Variants in ACSF3 observed in about 807,000 individuals in gnomAD.
ACSF3 encodes acyl-CoA synthetase family member 3.
ACSF3 carries 78 observed loss-of-function variants against 53.2 expected under a neutral mutation model. That is an observed-to-expected ratio of 1.47 (90% confidence interval 1.22 to 1.77). The LOEUF is 1.77. Ranked by LOEUF, ACSF3 falls within the 40% of genes most tolerant of loss-of-function variation. The pLI is 0.00. For synonymous variants in ACSF3, 414 were observed against 333.1 expected, an observed-to-expected ratio of 1.24 and a Z score of -2.65; for missense variants, 937 against 771.1, an observed-to-expected ratio of 1.22 and a Z score of -2.55.
intron 9 of ACSF3, among the ~76,000 whole-genome samples, chr16:89,145,615 G>GAGCTCCCAGGCCTGGCCGGGCGC (rs1331285687): frequency 3.3e-5 from 5 of 152,220 alleles, no homozygotes; most frequent in African/African-American, 9.6e-5. Context: ...GTGCCCACCA[G>GAGCTCCCAGGCCTGGCCGGGCGC]AGCTCCCAGG....
At chr16:89,140,786 G>T (rs1317272200) in intron 8 of ACSF3, among the ~76,000 whole-genome samples, 2 of 152,176 alleles carry the variant, frequency 1.3e-5, no homozygotes, top group African/African-American at 4.8e-5. Context: ...ACACTCTAGA[G>T]AATTCAAATC....
chr16:89,109,258 A>AAAG (rs1330203394), intron 4 of ACSF3, among the ~76,000 whole-genome samples: 1 of 151,160 alleles, frequency 6.6e-6, no homozygotes, highest in Admixed American at 6.6e-5. Context: ...AAAGAAAAGA[A>AAAG]AAGAAACTGG....
chr16:89,141,080 C>T, intron 8 of ACSF3: 3 of 1,280,134 alleles, frequency 2.3e-6, no homozygotes, highest in Non-Finnish European at 3.1e-6. Flanking sequence ...TCGCAAGTTG[C>T]CCTGGAGCCC....
intron 9 of ACSF3, 28 bp from the exon 10 acceptor site, chr16:89,145,910 T>C (rs1329530904): frequency 3.8e-6 from 6 of 1,591,810 alleles, no homozygotes; most frequent in African/African-American, 1.3e-5. Context: ...GGCATCCCCA[T>C]GTTCTCAAAC....
At position 89,143,208 on chromosome 16, in the gene ACSF3, T is replaced by G. The variant is rs532003465; in HGVS notation, c.1367-2059T>G. 2.0e-5 allele frequency among the ~76,000 whole-genome samples: 3 copies of G among 152,012 alleles called. No individual in the cohort carries two copies. In the East Asian group the frequency reaches 5.8e-4, roughly 29 times the overall value. ...TACATCCTCAGTGCCGTGCGTAGCT[T>G]TGGTGCAGTCTCAGCCCCGTGCGTA... On this transcript the variant is annotated intron_variant, in intron 8 of 10. Coordinates refer to ENST00000614302, the MANE Select transcript of ACSF3 (RefSeq NM_001243279.3).
At chr16:89,146,106 G>A in intron 10 of ACSF3, 57 bp downstream of exon 10, 2 of 1,280,184 alleles carry the variant, frequency 1.6e-6, no homozygotes, top group Non-Finnish European at 2.3e-6. Flanking sequence ...GTCCAGTCTT[G>A]AGGGCCACCC....
intron 7 of ACSF3, among the ~76,000 whole-genome samples, chr16:89,124,611 G>C (rs968807747): frequency 6.6e-6 from 1 of 151,500 alleles, no homozygotes. Context: ...CATGCACTGC[G>C]TGTATGTGTG....
intron 4 of ACSF3, among the ~76,000 whole-genome samples, chr16:89,110,139 A>T (rs974828495): frequency 2.0e-5 from 3 of 152,206 alleles, no homozygotes; most frequent in Admixed American, 6.5e-5. Flanking sequence ...TATAAAAAAA[A>T]TTTTAAAAAT....
chr16:89,105,685 C>T (rs962456404), intron 4 of ACSF3, among the ~76,000 whole-genome samples: 5 of 152,218 alleles, frequency 3.3e-5, no homozygotes, highest in East Asian at 1.9e-4. Context: ...GCTGCCCGGG[C>T]GCTGACGGTG....
rs1016924333 is a variant in ACSF3 at position 89,095,575 on chromosome 16, G to A, written c.-194+1579G>A. ...GGGGCAGCCGACAGGAGGAAGTGCC[G>A]GCATCCACTTCAAACACAAGGTCTG... is the stretch of plus-strand genomic sequence containing the variant. On this transcript the variant is annotated intron_variant, in intron 1 of 10. Transcript: ENST00000614302. Among the ~76,000 whole-genome samples the A allele has an allele frequency of 1.2e-4, 17 of 136,194 alleles. 1 individual carries two copies. Among genetic ancestry groups the A allele is most frequent in the South Asian group, 5.3e-4 (2 of 3,764 alleles). 89.3% of individuals were successfully genotyped at this position (136,194 alleles called of 152,430 possible).
chr16:89,121,430 T>G (rs1906626382), intron 7 of ACSF3, among the ~76,000 whole-genome samples: 1 of 152,228 alleles, frequency 6.6e-6, no homozygotes. Context: ...GGCTGCCTCC[T>G]TGTCTTGTGC....
intron 8 of ACSF3, chr16:89,136,669 T>C (rs998044982): frequency 2.3e-6 from 3 of 1,287,186 alleles, no homozygotes; most frequent in Non-Finnish European, 3.0e-6. Flanking sequence ...CTCCTCCGGG[T>C]CAGGATGAGA....
In ACSF3 at chr16:89,138,561, C is replaced by T. The variant is rs926083113; in HGVS notation, c.1366+5299C>T. ...GCTTGCCCCAGCCCCTTTCATCCGG[C>T]AGAGGGACCTCGCTGGGCCTGCCAC... On this transcript the variant is annotated intron_variant, in intron 8 of 10. Coordinates refer to ENST00000614302, the MANE Select transcript of ACSF3 (RefSeq NM_001243279.3). Among the ~76,000 whole-genome samples the T allele has an allele frequency of 1.3e-4, 20 of 152,232 alleles. 1 individual carries two copies. The highest frequency in any genetic ancestry group is 1.3e-3 in the Admixed American group (20 of 15,292).
At chr16:89,118,709 T>C (rs36075163) in intron 6 of ACSF3, among the ~76,000 whole-genome samples, 73,675 of 152,014 alleles carry the variant, frequency 0.48, 18,478 homozygotes, top group East Asian at 0.59. Flanking sequence ...AGCTCAGAGG[T>C]GCTCACGGCT....
intron 10 of ACSF3, chr16:89,148,355 T>C (rs1036286978): frequency 4.6e-5 from 7 of 152,048 alleles, no homozygotes; most frequent in Non-Finnish European, 8.8e-5. Flanking sequence ...CTGCCTCAGA[T>C]TCCCAAAATG....
At chr16:89,139,915 C>G (rs1020772915) in intron 8 of ACSF3, among the ~76,000 whole-genome samples, 3 of 152,152 alleles carry the variant, frequency 2.0e-5, no homozygotes, top group Non-Finnish European at 4.4e-5. Context: ...TTTTAACGTA[C>G]AGGGTGTCCT....
chr16:89,116,639 A>C (rs1174100380), intron 6 of ACSF3, among the ~76,000 whole-genome samples: 2 of 152,222 alleles, frequency 1.3e-5, no homozygotes, highest in African/African-American at 4.8e-5. Context: ...CACAGAGTGC[A>C]GTGCCTGCTG....
At chr16:89,124,151 A>G (rs923230654) in intron 7 of ACSF3, among the ~76,000 whole-genome samples, 36 of 151,814 alleles carry the variant, frequency 2.4e-4, no homozygotes, top group African/African-American at 7.3e-5. Flanking sequence ...TGTCCACACA[A>G]GTATCACACA....
At chr16:89,114,566 A>G (rs1050390737) in intron 6 of ACSF3, 79 bp downstream of exon 6, 2 of 1,586,446 alleles carry the variant, frequency 1.3e-6, no homozygotes, top group African/African-American at 1.3e-5. Flanking sequence ...CGAACCACCC[A>G]CATTCGGACT....
Sources: gnomAD v4.1 joint callset for allele counts (sites outside exome capture counted in the v4.1 genomes callset) on GRCh38, gnomAD v4.1.1 for gene constraint, MANE v1.5 for transcripts, NCBI Gene and HGNC (gene_info 2026-07-23, HGNC 2026-07-21) for gene names.